PRKCB: variants seen among roughly 807,000 people sequenced by gnomAD.
The protein encoded by PRKCB is protein kinase C beta type.
PRKCB carries 13 observed loss-of-function variants against 81.5 expected under a neutral mutation model. The ratio of observed to expected loss-of-function variants is 0.16; its 90% CI spans 0.10 to 0.25. The LOEUF (loss-of-function observed/expected upper bound fraction) is 0.25. Ranked by LOEUF, PRKCB falls within the 10% of genes least tolerant of loss-of-function variation. The pLI is 1.00. For synonymous variants in PRKCB, 335 were observed against 321.4 expected, an observed-to-expected ratio of 1.04 and a Z score of -0.45; for missense variants, 509 against 875.7, an observed-to-expected ratio of 0.58 and a Z score of 5.29.
chr16:24,079,306 C>A (rs182439250), intron 5 of PRKCB, among the ~76,000 whole-genome samples: 1 of 152,196 alleles, frequency 6.6e-6, no homozygotes, highest in African/African-American at 2.4e-5. Flanking sequence ...TCTCTTCACA[C>A]GGACACACGT....
chr16:24,020,976 T>TTTTCTTTCTTCCTTTCTTTCTTTC (rs1965353601), intron 3 of PRKCB, among the ~76,000 whole-genome samples: 2 of 96,630 alleles, frequency 2.1e-5, no homozygotes, highest in African/African-American at 8.2e-5. Context: ...AGACTTTTCT[T>TTTTCTTTCTTCCTTTCTTTCTTTC]TTTCTTTCTT....
At chr16:23,987,166 C>T (rs769055914) in intron 2 of PRKCB, among the ~76,000 whole-genome samples, 4 of 152,228 alleles carry the variant, frequency 2.6e-5, no homozygotes, top group Non-Finnish European at 4.4e-5. Context: ...ATAGGTGCAG[C>T]AAACCACCAT....
chr16:24,217,666 CG>C lies in PRKCB; in HGVS notation c.*2854del, dbSNP rs1164631607. On this transcript the variant is annotated 3_prime_UTR_variant, in exon 17 of 17. Coordinates refer to ENST00000643927, the MANE Select transcript of PRKCB (RefSeq NM_002738.7). ...CATTAGCCATCACCAGCACAACAAA[CG>C]GGGCAGGGCTTTCCAAGGTGGGGCT... 9.1e-6 allele frequency: 9 copies of C among 985,508 alleles called. No individual in the cohort carries two copies. The South Asian group carries it at 2.8e-4, about 31-fold the overall frequency. 61.0% of individuals were successfully genotyped at this position (985,508 alleles called of 1,614,324 possible). A position where few individuals can be genotyped will look rare whatever the true frequency, so the allele number is the denominator to read the frequency against.
intron 2 of PRKCB, among the ~76,000 whole-genome samples, chr16:23,874,077 C>G (rs1295087816): frequency 1.3e-5 from 2 of 152,130 alleles, no homozygotes; most frequent in Non-Finnish European, 2.9e-5. Flanking sequence ...AAAATACACA[C>G]CTACACCCAC....
chr16:23,962,412 T>C (rs1567327358), intron 2 of PRKCB, among the ~76,000 whole-genome samples: 1 of 152,234 alleles, frequency 6.6e-6, no homozygotes, highest in Non-Finnish European at 1.5e-5. Flanking sequence ...TTGCAATGCT[T>C]TTCCTTGGTT....
chr16:23,837,428 A>G, intron 2 of PRKCB, 22 bp downstream of exon 2: 1 of 1,604,096 alleles, frequency 6.2e-7, no homozygotes, highest in Non-Finnish European at 8.5e-7. Flanking sequence ...GGCTTTGGGG[A>G]TGCTATTTGT....
intron 2 of PRKCB, among the ~76,000 whole-genome samples, chr16:23,901,878 C>A (rs2141722590): frequency 6.6e-6 from 1 of 152,288 alleles, no homozygotes; most frequent in East Asian, 1.9e-4. Flanking sequence ...AGAGCTGGTG[C>A]AGACATCTCA....
chr16:24,219,486 G>T lies in PRKCB; in HGVS notation c.*4670G>T. On this transcript the variant is annotated 3_prime_UTR_variant, in exon 17 of 17. Transcript: ENST00000643927. ...GCCATTCTGCCTTCTTGGGGGCAGA[G>T]TAGATGGGCAGCAGTTCACCTTTTC... The T allele has an allele frequency of 1.0e-6, 1 of 987,666 alleles. No individual in the cohort carries two copies. Among genetic ancestry groups the T allele is most frequent in the South Asian group, 4.7e-5 (1 of 21,456 alleles). 61.2% of individuals were successfully genotyped at this position (987,666 alleles called of 1,614,324 possible).
intron 3 of PRKCB, among the ~76,000 whole-genome samples, chr16:24,022,093 G>A (rs971140876): frequency 2.6e-5 from 4 of 152,120 alleles, no homozygotes; most frequent in African/African-American, 7.2e-5. Context: ...AGGGGTGGGC[G>A]AGATGACTGG....
chr16:23,969,669 C>T (rs1052038434), intron 2 of PRKCB, among the ~76,000 whole-genome samples: 7 of 152,236 alleles, frequency 4.6e-5, no homozygotes, highest in African/African-American at 4.8e-5. Flanking sequence ...TTGCCATCAT[C>T]GTCATCATCA....
intron 5 of PRKCB, among the ~76,000 whole-genome samples, chr16:24,049,117 G>A (rs550268965): frequency 1.5e-5 from 2 of 134,334 alleles, no homozygotes; most frequent in Admixed American, 1.6e-4. Context: ...CTGCCCAAGA[G>A]GCTGAATAAA....
intron 10 of PRKCB, among the ~76,000 whole-genome samples, chr16:24,163,154 T>C (rs1967289655): frequency 6.6e-6 from 1 of 152,220 alleles, no homozygotes; most frequent in African/African-American, 2.4e-5. Context: ...TGGCAATTGG[T>C]TGCTACTAAC....
At chr16:23,844,841 G>T (rs983790943) in intron 2 of PRKCB, among the ~76,000 whole-genome samples, 1 of 150,876 alleles carries the variant, frequency 6.6e-6, no homozygotes, top group East Asian at 2.0e-4. Flanking sequence ...TCACTCTTTC[G>T]CCCAGGCTGG....
intron 2 of PRKCB, among the ~76,000 whole-genome samples, chr16:23,888,558 C>T (rs1963240154): frequency 6.6e-6 from 1 of 152,184 alleles, no homozygotes; most frequent in Admixed American, 6.5e-5. Flanking sequence ...TAAGTGTGTG[C>T]TGGTGCCAGG....
chr16:23,890,889 A>G (rs1963282358), intron 2 of PRKCB, among the ~76,000 whole-genome samples: 1 of 152,070 alleles, frequency 6.6e-6, no homozygotes, highest in African/African-American at 2.4e-5. Flanking sequence ...CTCTGATCAA[A>G]TGTCCATTCT....
In PRKCB at chr16:23,868,038, C is replaced by T. The variant is rs142622332; in HGVS notation, c.205+30632C>T. ...AATGGTAGATGTAGATCTTCCCCTA[C>T]GGATTTGTTTTCTGAAGATCTCCTT... On this transcript the variant is annotated intron_variant, in intron 2 of 16. Coordinates refer to ENST00000643927, the MANE Select transcript of PRKCB (RefSeq NM_002738.7). 7.9e-5 allele frequency among the ~76,000 whole-genome samples: 12 copies of T among 152,186 alleles called. No individual in the cohort carries two copies. The East Asian group carries it at 1.7e-3, about 22-fold the overall frequency.
rs1965702845 is a variant in PRKCB at position 24,041,937 on chromosome 16, T to C, written c.529+6390T>C. On this transcript the variant is annotated intron_variant, in intron 5 of 16. Transcript: ENST00000643927. ...AGGCAGAGGTTGCAGTGAGCTGAGA[T>C]TGCATCACAGCACTCCAGCCTGGGT... 2.7e-5 allele frequency among the ~76,000 whole-genome samples: 4 copies of C among 149,536 alleles called. No individual in the cohort carries two copies. In the South Asian group the frequency reaches 8.4e-4, roughly 32 times the overall value.
At chr16:23,875,480 G>GATATATATATAT (rs71381624) in intron 2 of PRKCB, among the ~76,000 whole-genome samples, 146 of 4,616 alleles carry the variant, frequency 0.032, no homozygotes, top group South Asian at 0.056. Context: ...CAACTAAAAA[G>GATATATATATAT]ATATATATAT....
intron 16 of PRKCB, among the ~76,000 whole-genome samples, chr16:24,204,580 G>A (rs1201612787): frequency 2.6e-5 from 4 of 152,136 alleles, no homozygotes; most frequent in African/African-American, 9.7e-5. Flanking sequence ...GTGGGTTTAG[G>A]ATGAATGGTG....
Sources: gnomAD v4.1 joint callset for allele counts (sites outside exome capture counted in the v4.1 genomes callset) on GRCh38, gnomAD v4.1.1 for gene constraint, MANE v1.5 for transcripts, NCBI Gene and HGNC (gene_info 2026-07-23, HGNC 2026-07-21) for gene names.